Variants in KDM6B observed in about 807,000 individuals in gnomAD.
The protein encoded by KDM6B is lysine-specific demethylase 6B.
Under a neutral mutation model 150.4 loss-of-function variants are expected in KDM6B, and 22 were observed. The observed-to-expected ratio is 0.15, with a 90% CI of 0.10 to 0.21. The LOEUF (loss-of-function observed/expected upper bound fraction) is 0.21, where lower values mean the gene tolerates loss of function less well. KDM6B is among the 10% of genes least tolerant of loss of function. The probability of loss-of-function intolerance (pLI) is 1.00; values close to 1 mark genes in which losing one functional copy is unlikely to be tolerated. For missense variants in KDM6B, 1,984 were observed against 2,234.3 expected (o/e 0.89, Z 2.26); for synonymous variants, 1,148 against 921.1 (o/e 1.25, Z -4.46).
rs2078774270 is a variant in KDM6B, at chr17:7,854,596, T to G, written c.*1075T>G. The G allele has an allele frequency of 6.6e-6, 1 of 152,284 alleles. No individual in the cohort carries two copies. The highest frequency in any genetic ancestry group is 1.5e-5 in the Non-Finnish European group (1 of 68,108). The allele number at this position is 152,284 out of a possible 1,614,324, so 9.4% of individuals were successfully genotyped here. On this transcript the variant is annotated 3_prime_UTR_variant, in exon 24 of 24. Coordinates refer to ENST00000448097, the MANE Select transcript of KDM6B (RefSeq NM_001348716.2). Reference sequence around the variant, plus strand: ...GGGGCAGGGACACCCCGGGGTGAGTTTCTCTGGGGCTTTATTTTCGTTTTG... The same window carrying G: ...GGGGCAGGGACACCCCGGGGTGAGTGTCTCTGGGGCTTTATTTTCGTTTTG...
rs1019519794 is a variant in KDM6B at position 7,849,135 on chromosome 17, T to A, written c.2847T>A (p.Thr949=). Residue 949 remains threonine, a synonymous_variant, in exon 12 of 24, where the codon ACT becomes ACA. Transcript: ENST00000448097. ...CAGCAGAGCCAGCGGACAGTGGGAC[T>A]GAGCGACTGCTGCCCCCCGCACAGG... The part of the protein sequence containing the change: ...VDTAEPADSG[T]ERLLPPAQAK... The A allele has an allele frequency of 6.2e-7, 1 of 1,612,258 alleles. No homozygotes were observed. Among genetic ancestry groups the A allele is most frequent in the African/African-American group, 1.3e-5 (1 of 75,052 alleles).
chr17:7,848,020 G>C lies in KDM6B; in HGVS notation c.1732G>C (p.Ala578Pro). The change falls in exon 12 of 24, where the codon GCC becomes CCC. Residue 578 changes from alanine to proline, a missense_variant. Physicochemically the swap from Ala to Pro is conservative, Grantham distance 27. Around this residue, in one of 13 missense-constraint regions of KDM6B, gnomAD observed 1,379 missense variants for 1,275.6 expected, o/e 1.08. Coordinates refer to ENST00000448097, the MANE Select transcript of KDM6B (RefSeq NM_001348716.2). ...GTCCTTTCCCCCACCACCCTATCTG[G>C]CCAGAAGTATAGACCCCCTTCCCCG... ...PVSFPPPPYL[A>P]RSIDPLPRPP... is the part of the protein sequence containing the mutation. 2 of 1,610,752 alleles carry C rather than the reference G, an allele frequency of 1.2e-6. No individual in the cohort carries two copies. Among genetic ancestry groups the C allele is most frequent in the South Asian group, 1.1e-5 (1 of 90,934 alleles).
In KDM6B at chr17:7,843,500, A is replaced by G. The variant is rs2078460099; in HGVS notation, c.-268-1401A>G. Among the ~76,000 whole-genome samples the G allele has an allele frequency of 2.0e-5, 3 of 151,894 alleles. No homozygotes were observed. Among genetic ancestry groups the G allele is most frequent in the South Asian group, 4.2e-4 (2 of 4,816 alleles). ...CCAAGCGCTTCCATGCAAACAAACG[A>G]CCTTGCCCCTTCGGGAAGGAAGGCT... On this transcript the variant is annotated intron_variant, in intron 2 of 23. Coordinates refer to ENST00000448097, the MANE Select transcript of KDM6B (RefSeq NM_001348716.2). This position sits in a 1 kb window ranked among gnomAD's most constrained non-coding sequence, Gnocchi z 4.5.
Position 7,851,482 on chromosome 17 carries a change from G to A in KDM6B, c.3949G>A (p.Ala1317Thr), listed in dbSNP as rs2151379293. The change falls in exon 17 of 24, where the codon GCA becomes ACA. Residue 1317 changes from alanine to threonine, a missense_variant. Transcript: ENST00000448097. ...CTGTGCTCTTCGCCCCAGCAGCAGC[G>A]CACCAGACCCGAAGAACCATCACAT... ...DSTTGTPPSS[A>T]PDPKNHHIIK... The A allele has an allele frequency of 1.2e-6, 2 of 1,614,148 alleles. No homozygotes were observed.
chr17:7,840,481 T>A (rs1319103597), intron 2 of KDM6B: 1 of 152,208 alleles, frequency 6.6e-6, no homozygotes, highest in Non-Finnish European at 1.5e-5. Flanking sequence ...ACAGCAGTCT[T>A]GGCATTTCAC....
In KDM6B at chr17:7,853,304, C is replaced by G. The variant is rs1445425687; in HGVS notation, c.4832C>G (p.Ala1611Gly). The G allele has an allele frequency of 3.1e-6, 5 of 1,599,312 alleles. No homozygotes were observed. In the Admixed American group the frequency reaches 8.7e-5, roughly 28 times the overall value. Residue 1611 changes from alanine to glycine, a missense_variant, in exon 23 of 24, where the codon GCA becomes GGA. This residue lies in a region of KDM6B where 58 missense variants were observed against 76.4 expected (regional missense o/e 0.76). Transcript: ENST00000448097. ...GAGGGCTGTGCCCGGCGCCGCAGCG[C>G]AGGCCTGCAGGGCGTGGTGGTGCTG... Reference protein sequence around the residue: ...HCEGCARRRSAGLQGVVVLEQ... With the variant: ...HCEGCARRRSGGLQGVVVLEQ...
chr17:7,854,614 TC>T lies in KDM6B; in HGVS notation c.*1094del, dbSNP rs1268588735. The T allele has an allele frequency of 1.3e-5, 2 of 153,032 alleles. No homozygotes were observed. Among genetic ancestry groups the T allele is most frequent in the East Asian group, 3.9e-4 (2 of 5,146 alleles). 9.5% of individuals were successfully genotyped at this position (153,032 alleles called of 1,614,324 possible). A position where few individuals can be genotyped will look rare whatever the true frequency, so the allele number is the denominator to read the frequency against. On this transcript the variant is annotated 3_prime_UTR_variant, in exon 24 of 24. Transcript: ENST00000448097. Reference sequence around the variant, plus strand: ...GGTGAGTTTCTCTGGGGCTTTATTTTCGTTTTGTTGGTTGTTTTTTCTCCAC... The same window carrying T: ...GGTGAGTTTCTCTGGGGCTTTATTTTGTTTTGTTGGTTGTTTTTTCTCCAC...
chr17:7,848,252 C>T lies in KDM6B; in HGVS notation c.1964C>T (p.Pro655Leu), dbSNP rs1205786954. 6.2e-7 allele frequency: 1 copy of T among 1,612,484 alleles called. No individual in the cohort carries two copies. The highest frequency in any genetic ancestry group is 2.2e-5 in the East Asian group (1 of 44,822). The part of the protein sequence containing the change: ...PPGPLSKAPQ[P>L]VPPGVGELPA... ...GGCCCCCTGAGTAAAGCCCCCCAGC[C>T]TGTGCCGCCCGGGGTTGGGGAGCTG... The change falls in exon 12 of 24, where the codon CCT becomes CTT. Residue 655 changes from proline to leucine, a missense_variant. Physicochemically the swap from Pro to Leu is moderately conservative, Grantham distance 98 (BLOSUM62 -3). This residue lies in a region of KDM6B where 1,379 missense variants were observed against 1,275.6 expected (regional missense o/e 1.08). Coordinates refer to ENST00000448097, the MANE Select transcript of KDM6B (RefSeq NM_001348716.2).
At position 7,845,363 on chromosome 17, in the gene KDM6B, T is replaced by A; in HGVS notation, c.-99T>A. The A allele has an allele frequency of 1.4e-6, 1 of 715,918 alleles. No individual in the cohort carries two copies. The highest frequency in any genetic ancestry group is 1.8e-5 in the African/African-American group (1 of 57,142). The allele number at this position is 715,918 out of a possible 1,614,324, so 44.3% of individuals were successfully genotyped here. ...AGCCATCTGGGGGTAGCGGGCACTC[T>A]TATCAGAGCGGCTGGAGCCGGACCA... On this transcript the variant is annotated 5_prime_UTR_variant, in exon 4 of 24. Coordinates refer to ENST00000448097, the MANE Select transcript of KDM6B (RefSeq NM_001348716.2).
At chr17:7,850,948 G>GAA in intron 14 of KDM6B, 73 bp from the exon 15 acceptor site, 2 of 1,359,232 alleles carry the variant, frequency 1.5e-6, no homozygotes, top group Non-Finnish European at 2.1e-6. Context: ...AGTAGGAAGG[G>GAA]AAAGGGTCGA....
At position 7,853,302 on chromosome 17, in the gene KDM6B, C is replaced by G. The variant is rs111411656; in HGVS notation, c.4830C>G (p.Ser1610Arg). Residue 1610 changes from serine to arginine, a missense_variant, in exon 23 of 24, where the codon AGC becomes AGG. Coordinates refer to ENST00000448097, the MANE Select transcript of KDM6B (RefSeq NM_001348716.2). ...GCGAGGGCTGTGCCCGGCGCCGCAG[C>G]GCAGGCCTGCAGGGCGTGGTGGTGC... ...VHCEGCARRR[S>R]AGLQGVVVLE... 6.2e-7 allele frequency: 1 copy of G among 1,600,728 alleles called. No homozygotes were observed. Among genetic ancestry groups the G allele is most frequent in the African/African-American group, 1.3e-5 (1 of 74,756 alleles).
Position 7,846,585 on chromosome 17 carries a change from C to A in KDM6B, c.556C>A (p.Arg186=). 6.2e-7 allele frequency: 1 copy of A among 1,614,084 alleles called. No homozygotes were observed. Among genetic ancestry groups the A allele is most frequent in the Admixed American group, 1.7e-5 (1 of 60,022 alleles). ...TCTCTCTTTTTGTTCTCAGCACAAA[C>A]GGAACTATGGAGCCAAGCGGGGAGG... is the stretch of plus-strand genomic sequence containing the variant. ...VWNLLHLEHK[R]NYGAKRGGPP... Residue 186 remains arginine (R), a synonymous_variant, in exon 9 of 24, where the codon CGG becomes AGG. Coordinates refer to ENST00000448097, the MANE Select transcript of KDM6B (RefSeq NM_001348716.2).
At chr17:7,835,502 C>T (rs558210376) in intron 1 of KDM6B, among the ~76,000 whole-genome samples, 101 of 152,102 alleles carry the variant, frequency 6.6e-4, no homozygotes, top group African/African-American at 2.4e-3. Flanking sequence ...CTCGGCTCCC[C>T]TTCCCTCCCC....
intron 1 of KDM6B, among the ~76,000 whole-genome samples, chr17:7,839,268 G>A (rs141693332): frequency 2.0e-5 from 3 of 152,290 alleles, no homozygotes; most frequent in East Asian, 3.9e-4. Flanking sequence ...GAGGAAGGAG[G>A]TGATGGGGAA....
At chr17:7,835,698 G>A (rs2078321375) in intron 1 of KDM6B, among the ~76,000 whole-genome samples, 1 of 152,116 alleles carries the variant, frequency 6.6e-6, no homozygotes, top group Non-Finnish European at 1.5e-5. Context: ...GAGGCTGGGA[G>A]GCAGCAGCTG....
At position 7,848,669 on chromosome 17, in the gene KDM6B, C is replaced by T; in HGVS notation, c.2381C>T (p.Pro794Leu). The T allele has an allele frequency of 6.2e-7, 1 of 1,608,758 alleles. No homozygotes were observed. Among genetic ancestry groups the T allele is most frequent in the Non-Finnish European group, 8.5e-7 (1 of 1,178,326 alleles). ...FPPPSQPQPP[P>L]PPPPSPASLL... ...CCACCCTCTCAGCCACAGCCACCAC[C>T]ACCCCCACCCCCCAGCCCGGCCAGC... The change falls in exon 12 of 24, where the codon CCA becomes CTA. Residue 794 changes from proline to leucine, a missense_variant. Pro to Leu is a moderately conservative substitution (Grantham distance 98, BLOSUM62 -3). This residue lies in a region of KDM6B where 1,379 missense variants were observed against 1,275.6 expected (regional missense o/e 1.08). Coordinates refer to ENST00000448097, the MANE Select transcript of KDM6B (RefSeq NM_001348716.2).
chr17:7,850,911 C>T, intron 14 of KDM6B, 110 bp from the exon 15 acceptor site: 1 of 1,016,364 alleles, frequency 9.8e-7, no homozygotes. Context: ...TCTGCTAAAC[C>T]TATGACCACC....
rs1228458233 is a variant in KDM6B, at chr17:7,845,463, G to A, written c.-6+7G>A. 3.2e-5 allele frequency: 50 copies of A among 1,543,604 alleles called. No homozygotes were observed. The highest frequency in any genetic ancestry group is 1.2e-4 in the Admixed American group (7 of 59,934). On this transcript the variant is annotated splice_region_variant and intron_variant, in intron 4 of 23. Coordinates refer to ENST00000448097, the MANE Select transcript of KDM6B (RefSeq NM_001348716.2). The stretch of plus-strand genomic sequence containing the variant: ...TGGGGCCACTGCTGACCTGGTAAGG[G>A]AAACTCTGGGGCCGAGCTGGCTGGA...
In KDM6B at chr17:7,846,190, T is replaced by C; in HGVS notation, c.349T>C (p.Tyr117His). The change falls in exon 7 of 24, where the codon TAC (tyrosine) becomes CAC (histidine). Residue 117 changes from tyrosine (Y) to histidine (H), a missense_variant. Around this residue, in one of 13 missense-constraint regions of KDM6B, gnomAD observed 337 missense variants for 323.9 expected, o/e 1.04. Coordinates refer to ENST00000448097, the MANE Select transcript of KDM6B (RefSeq NM_001348716.2). ...GCTTTGGGAACAGCTTGGGCAACTG[T>C]ACGAGTCAGAGCACGATAGTGAGGA... ...PGLWEQLGQL[Y>H]ESEHDSEEAT... The C allele has an allele frequency of 6.2e-7, 1 of 1,614,096 alleles. No homozygotes were observed. The highest frequency in any genetic ancestry group is 8.5e-7 in the Non-Finnish European group (1 of 1,180,014).
Sources: allele counts gnomAD v4.1 joint callset (sites outside exome capture counted in the v4.1 genomes callset), GRCh38; gene constraint gnomAD v4.1.1; regional missense constraint gnomAD v4.1.1; non-coding constraint Gnocchi (gnomAD v3.1); transcripts MANE v1.5; gene names NCBI Gene and HGNC (gene_info 2026-07-23, HGNC 2026-07-21).